Variants in DAPK2 observed in about 807,000 individuals in gnomAD.
DAPK2 encodes the protein death-associated protein kinase 2.
A neutral mutation model predicts 44.1 loss-of-function variants in DAPK2; 35 were observed. The observed-to-expected ratio is 0.79, with a 90% CI of 0.61 to 1.05. DAPK2 has a LOEUF of 1.05. DAPK2 is among the 50% of genes least tolerant of loss of function. The pLI, the probability that DAPK2 is intolerant of heterozygous loss-of-function variation, is 0.00. For synonymous variants in DAPK2, 174 were observed against 182.6 expected, an observed-to-expected ratio of 0.95 and a Z score of 0.38; for missense variants, 453 against 483.2, an observed-to-expected ratio of 0.94 and a Z score of 0.59.
At chr15:63,982,280 T>C (rs1410459889) in intron 2 of DAPK2, among the ~76,000 whole-genome samples, 2 of 136,590 alleles carry the variant, frequency 1.5e-5, no homozygotes, top group African/African-American at 5.4e-5. Context: ...AACCTCCGCC[T>C]CCCGGGTTCA....
exon 7 of DAPK2, chr15:63,926,018 G>A (rs145084351): frequency 6.2e-7 from 1 of 1,614,166 alleles, no homozygotes; most frequent in African/African-American, 1.3e-5. Context: ...CCTCATCAAA[G>A]TCGTAACTCA....
intron 1 of DAPK2, among the ~76,000 whole-genome samples, chr15:64,032,676 C>T (rs992638152): frequency 1.3e-5 from 2 of 152,274 alleles, no homozygotes; most frequent in East Asian, 1.9e-4. Flanking sequence ...AATAGCCAGG[C>T]GTGGTGGTTT....
At chr15:64,004,396 C>A (rs2079173620) in intron 1 of DAPK2, among the ~76,000 whole-genome samples, 1 of 152,130 alleles carries the variant, frequency 6.6e-6, no homozygotes, top group African/African-American at 2.4e-5. Flanking sequence ...GTGATATTAC[C>A]AGCTTCTGAT....
intron 1 of DAPK2, among the ~76,000 whole-genome samples, chr15:64,027,055 A>G (rs1031131343): frequency 2.0e-5 from 3 of 152,002 alleles, no homozygotes; most frequent in African/African-American, 7.3e-5. Context: ...ACCAGCCTGG[A>G]CAACATGACA....
intron 3 of DAPK2, among the ~76,000 whole-genome samples, chr15:63,969,381 C>T (rs1422895619): frequency 6.6e-6 from 1 of 152,100 alleles, no homozygotes. Context: ...GATCACGCCA[C>T]TGCACTCCAG....
chr15:63,922,606 G>C, intron 8 of DAPK2: 1 of 1,422,882 alleles, frequency 7.0e-7, no homozygotes. Context: ...GGATTCTGTG[G>C]AGGGGCTGGA....
rs1595759683 is a variant in DAPK2, at chr15:63,939,441, G to A, written c.454-80C>T. 8 of 1,438,892 alleles carry A rather than the reference G, an allele frequency of 5.6e-6. No individual in the cohort carries two copies. In the Middle Eastern group the frequency reaches 5.5e-4, roughly 99 times the overall value. The allele number at this position is 1,438,892 out of a possible 1,614,324, so 89.1% of individuals were successfully genotyped here. A position where few individuals can be genotyped will look rare whatever the true frequency, so the allele number is the denominator to read the frequency against. On this transcript the variant is annotated intron_variant, in intron 3 of 10. Transcript: ENST00000261891. The surrounding 1 kb of genome is among the most constrained non-coding windows in gnomAD (Gnocchi z 4.3). ...ACGGTAATTAAAGGCTGGTTGGTTCGTGTTTTGGCTTTGGGGTTTGGGGTG... is the reference window on the plus strand; with the variant it reads ...ACGGTAATTAAAGGCTGGTTGGTTCATGTTTTGGCTTTGGGGTTTGGGGTG...
rs553478737 is a variant in DAPK2 at position 64,019,874 on chromosome 15, T to G, written c.92+20296A>C. On this transcript the variant is annotated intron_variant, in intron 1 of 10. Transcript: ENST00000261891. ...CTATGCGTTGTATAACTACATCTTA[T>G]CAGAGGTTGGTGAACTTCTATCCTC... is the stretch of plus-strand genomic sequence containing the variant. Among the ~76,000 whole-genome samples, 135 of 152,360 alleles carry G rather than the reference T, an allele frequency of 8.9e-4. 1 individual carries two copies. The highest frequency in any genetic ancestry group is 3.1e-3 in the African/African-American group (127 of 41,576).
intron 3 of DAPK2, among the ~76,000 whole-genome samples, chr15:63,948,649 G>A (rs1468483542): frequency 6.6e-6 from 1 of 152,154 alleles, no homozygotes; most frequent in Non-Finnish European, 1.5e-5. Flanking sequence ...CTGCTAGACT[G>A]CACACTGGCT....
intron 4 of DAPK2, among the ~76,000 whole-genome samples, chr15:63,936,703 G>C (rs1244839650): frequency 6.6e-6 from 1 of 152,000 alleles, no homozygotes; most frequent in African/African-American, 2.4e-5. Context: ...TTTGTAAGCC[G>C]GGCATGGTGG....
chr15:63,983,136 T>TA (rs1306321529), intron 2 of DAPK2, among the ~76,000 whole-genome samples: 1 of 152,158 alleles, frequency 6.6e-6, no homozygotes, highest in Non-Finnish European at 1.5e-5. Context: ...CCCCTCCTCA[T>TA]AGTACACAGC....
chr15:63,923,538 C>CACCTG lies in DAPK2; in HGVS notation c.858+1277_858+1278insCAGGT, dbSNP rs1410540094. 6.6e-6 allele frequency among the ~76,000 whole-genome samples: 1 copy of CACCTG among 152,228 alleles called. No homozygotes were observed. The highest frequency in any genetic ancestry group is 2.4e-5 in the African/African-American group (1 of 41,458). On this transcript the variant is annotated intron_variant, in intron 8 of 10. Coordinates refer to ENST00000261891, the Ensembl canonical transcript of DAPK2. The surrounding 1 kb of genome is among the most constrained non-coding windows in gnomAD (Gnocchi z 4.2). ...TCAAGGAGTGTGGGGGTGCTGTCTG[C>CACCTG]ATGCTCATTCAGGGCAGAAGGGTCC...
intron 3 of DAPK2, among the ~76,000 whole-genome samples, chr15:63,968,330 G>A (rs1002259818): frequency 6.6e-6 from 1 of 152,220 alleles, no homozygotes; most frequent in Non-Finnish European, 1.5e-5. Flanking sequence ...ACAACTCTAA[G>A]GATACCTGGC....
chr15:64,005,783 A>G (rs1257596746), intron 1 of DAPK2, among the ~76,000 whole-genome samples: 1 of 152,080 alleles, frequency 6.6e-6, no homozygotes, highest in African/African-American at 2.4e-5. Context: ...AATCCCAGCT[A>G]CTCAAGAGGC....
intron 3 of DAPK2, among the ~76,000 whole-genome samples, chr15:63,951,502 A>G (rs1033073865): frequency 1.3e-5 from 2 of 152,136 alleles, no homozygotes; most frequent in African/African-American, 4.8e-5. Context: ...TCTGTGGTGG[A>G]TGTACAACAC....
chr15:63,910,613 T>C (rs1254592372), intron 10 of DAPK2: 1 of 152,278 alleles, frequency 6.6e-6, no homozygotes, highest in African/African-American at 2.4e-5. Context: ...TGATCATAAT[T>C]CACTGTAACC....
At chr15:64,003,366 T>C (rs913915783) in intron 1 of DAPK2, among the ~76,000 whole-genome samples, 1 of 152,206 alleles carries the variant, frequency 6.6e-6, no homozygotes, top group African/African-American at 2.4e-5. Flanking sequence ...GGTTTAGCAA[T>C]AGCACTCTAT....
chr15:64,016,830 A>AGGAAGGAGGGAC, intron 1 of DAPK2, among the ~76,000 whole-genome samples: 1 of 103,472 alleles, frequency 9.7e-6, no homozygotes, highest in African/African-American at 3.8e-5. Flanking sequence ...AGGGGAAGGA[A>AGGAAGGAGGGAC]GGAAGGAGGG....
chr15:64,028,357 C>A (rs971488445), intron 1 of DAPK2, among the ~76,000 whole-genome samples: 1 of 152,292 alleles, frequency 6.6e-6, no homozygotes, highest in Middle Eastern at 3.4e-3. Flanking sequence ...CTGCACCCGA[C>A]CCTATTTATT....
Sources: allele counts gnomAD v4.1 joint callset (sites outside exome capture counted in the v4.1 genomes callset), GRCh38; gene constraint gnomAD v4.1.1; non-coding constraint Gnocchi (gnomAD v3.1); transcripts MANE v1.5; gene names NCBI Gene and HGNC (gene_info 2026-07-23, HGNC 2026-07-21).